The following MTSS1 variants were observed in gnomAD, a reference collection of about 807,000 sequenced individuals.
The protein encoded by MTSS1 is MTSS I-BAR domain containing 1, also known as protein MTSS 1.
MTSS1 carries 18 observed loss-of-function variants against 79.0 expected under a neutral mutation model. The ratio of observed to expected loss-of-function variants is 0.23; its 90% CI spans 0.16 to 0.34. The LOEUF (loss-of-function observed/expected upper bound fraction) is 0.34. MTSS1 is among the 10% of genes least tolerant of loss of function. MTSS1 has a pLI of 1.00. For missense variants in MTSS1, 815 were observed against 986.2 expected (o/e 0.83, Z 2.33); for synonymous variants, 341 against 368.6 (o/e 0.93, Z 0.86).
Position 124,707,616 on chromosome 8 carries a change from G to A in MTSS1, c.73-3425C>T, listed in dbSNP as rs1341502706. ...CCCAGCTACTCGGGAGGCTGAAGCA[G>A]AGAATTGCTTGAACCCGGAAAGTGG... is the stretch of plus-strand genomic sequence containing the variant. On this transcript the variant is annotated intron_variant, in intron 1 of 13. Coordinates refer to ENST00000518547, the MANE Select transcript of MTSS1 (RefSeq NM_014751.6). 3.9e-5 allele frequency among the ~76,000 whole-genome samples: 6 copies of A among 151,976 alleles called. No individual in the cohort carries two copies. In the East Asian group the frequency reaches 9.6e-4, roughly 24 times the overall value.
chr8:124,605,589 C>T (rs1033996948), intron 3 of MTSS1, among the ~76,000 whole-genome samples: 1 of 140,594 alleles, frequency 7.1e-6, no homozygotes, highest in Non-Finnish European at 1.5e-5. Context: ...CCTGCCCTCT[C>T]GCTGCCTCCC....
At chr8:124,697,861 T>C (rs1829100786) in intron 3 of MTSS1, among the ~76,000 whole-genome samples, 1 of 152,234 alleles carries the variant, frequency 6.6e-6, no homozygotes, top group Non-Finnish European at 1.5e-5. Context: ...ACCATGCTTC[T>C]AGTTTCTGTG....
intron 7 of MTSS1, chr8:124,567,872 T>C: frequency 6.9e-7 from 1 of 1,456,020 alleles, no homozygotes; most frequent in Non-Finnish European, 9.0e-7. Context: ...AAGTTCTCAA[T>C]TACGGCATGC....
chr8:124,717,337 C>CA lies in MTSS1; in HGVS notation c.72+10546dup, dbSNP rs1417514442. On this transcript the variant is annotated intron_variant, in intron 1 of 13. Transcript: ENST00000518547. The stretch of plus-strand genomic sequence containing the variant: ...CAAAACCCCATCTTTACTAAAGATA[C>CA]AAAAAAAAAAAAGCCGGGTGTGGTG... Among the ~76,000 whole-genome samples, 487 of 136,114 alleles carry CA rather than the reference C, an allele frequency of 3.6e-3. 6 individuals carry two copies. Among genetic ancestry groups the CA allele is most frequent in the Middle Eastern group, 7.4e-3 (2 of 272 alleles). The allele number at this position is 136,114 out of a possible 152,430, so 89.3% of individuals were successfully genotyped here.
chr8:124,638,561 C>A (rs149850051), intron 3 of MTSS1, among the ~76,000 whole-genome samples: 1 of 152,146 alleles, frequency 6.6e-6, no homozygotes, highest in East Asian at 1.9e-4. Flanking sequence ...GTCAGGAAAC[C>A]GGAGGGTCTG....
In MTSS1 at chr8:124,551,097, AAAACT is replaced by A. The variant is rs1319482059; in HGVS notation, c.*1890_*1894del. 1 of 152,612 alleles carries A rather than the reference AAAACT, an allele frequency of 6.6e-6. No homozygotes were observed. Among genetic ancestry groups the A allele is most frequent in the Non-Finnish European group, 1.5e-5 (1 of 68,042 alleles). 9.5% of individuals were successfully genotyped at this position (152,612 alleles called of 1,614,324 possible). On this transcript the variant is annotated 3_prime_UTR_variant, in exon 14 of 14. Transcript: ENST00000518547. ...TTTATTCAGATTATACTAACGTTTA[AAAACT>A]AAACAAGTGAAAAGCTGTACCAAGG... is the stretch of plus-strand genomic sequence containing the variant.
Position 124,728,088 on chromosome 8 carries a change from G to T in MTSS1, c.-133C>A. On this transcript the variant is annotated 5_prime_UTR_variant, in exon 1 of 14. Transcript: ENST00000518547. This position sits in a 1 kb window ranked among gnomAD's most constrained non-coding sequence, Gnocchi z 6.1. ...TCGGACTCGCAGCCTCTTCTGCAGC[G>T]AGGACGGGGTGCACCAGACCGACTG... 1 of 686,486 alleles carries T rather than the reference G, an allele frequency of 1.5e-6. No individual in the cohort carries two copies. Among genetic ancestry groups the T allele is most frequent in the Non-Finnish European group, 2.4e-6 (1 of 411,690 alleles). The allele number at this position is 686,486 out of a possible 1,614,324, so 42.5% of individuals were successfully genotyped here.
At chr8:124,640,080 C>T (rs1817745099) in intron 3 of MTSS1, among the ~76,000 whole-genome samples, 1 of 152,128 alleles carries the variant, frequency 6.6e-6, no homozygotes, top group South Asian at 2.1e-4. Context: ...GACAGTTGTC[C>T]ATCTCATTTT....
chr8:124,591,206 T>A lies in MTSS1; in HGVS notation c.238A>T (p.Thr80Ser). The change falls in exon 4 of 14, where the codon ACC becomes TCC. Residue 80 changes from threonine (T) to serine (S), a missense_variant. Transcript: ENST00000518547. ...GGTREIGSAL[T>S]RMCMRHRSIE... Reference sequence around the variant, plus strand: ...CTTCTGTGCCTCATGCACATCCTGGTGAGAGCAGATCCAATCTCCCTGGTC... The same window carrying A: ...CTTCTGTGCCTCATGCACATCCTGGAGAGAGCAGATCCAATCTCCCTGGTC... The A allele has an allele frequency of 6.2e-7, 1 of 1,614,192 alleles. No homozygotes were observed.
At chr8:124,717,396 T>C (rs1832213432) in intron 1 of MTSS1, among the ~76,000 whole-genome samples, 1 of 151,564 alleles carries the variant, frequency 6.6e-6, no homozygotes, top group Non-Finnish European at 1.5e-5. Flanking sequence ...CTTGGGAGGC[T>C]GAGGCAGGAG....
intron 9 of MTSS1, among the ~76,000 whole-genome samples, chr8:124,564,327 ACT>A (rs1158459995): frequency 1.3e-5 from 2 of 151,894 alleles, no homozygotes; most frequent in African/African-American, 4.8e-5. Context: ...CCTGCAAGAG[ACT>A]CTGGCTTGCA....
chr8:124,583,119 C>A (rs1490615130), intron 6 of MTSS1, among the ~76,000 whole-genome samples: 1 of 152,150 alleles, frequency 6.6e-6, no homozygotes, highest in African/African-American at 2.4e-5. Flanking sequence ...TCTCGTGGAC[C>A]TAAGTCCACC....
At chr8:124,617,678 TCACCTACCTGATCATGC>T (rs2133445852) in intron 3 of MTSS1, among the ~76,000 whole-genome samples, 1 of 152,238 alleles carries the variant, frequency 6.6e-6, no homozygotes, top group African/African-American at 2.4e-5. Context: ...CTCTGCGAGC[TCACCTACCTGATCATGC>T]CACTCAAAAT....
intron 1 of MTSS1, among the ~76,000 whole-genome samples, chr8:124,716,946 T>A (rs144372604): frequency 6.6e-6 from 1 of 151,388 alleles, no homozygotes; most frequent in Non-Finnish European, 1.5e-5. Flanking sequence ...AAATCACTGA[T>A]GTAAATCAAT....
At chr8:124,690,499 CATG>C in intron 3 of MTSS1, among the ~76,000 whole-genome samples, 1 of 152,304 alleles carries the variant, frequency 6.6e-6, no homozygotes. Context: ...TGGGCTAACA[CATG>C]ATGACTGCCC....
At chr8:124,717,235 T>C (rs1380721053) in intron 1 of MTSS1, among the ~76,000 whole-genome samples, 1 of 152,088 alleles carries the variant, frequency 6.6e-6, no homozygotes, top group African/African-American at 2.4e-5. Flanking sequence ...CTCATGCCTG[T>C]AATCCCAGCA....
intron 5 of MTSS1, 120 bp downstream of exon 5, chr8:124,589,500 G>A (rs1295859028): frequency 2.8e-6 from 2 of 704,462 alleles, no homozygotes; most frequent in Non-Finnish European, 4.9e-6. Flanking sequence ...TAGGGACAGA[G>A]TGGGCCCTTG....
At chr8:124,591,684 G>C (rs937832192) in intron 3 of MTSS1, among the ~76,000 whole-genome samples, 2 of 152,148 alleles carry the variant, frequency 1.3e-5, no homozygotes, top group African/African-American at 4.8e-5. Context: ...ACATTATTTA[G>C]AACAGCCAAG....
At position 124,568,423 on chromosome 8, in the gene MTSS1, G is replaced by A. The variant is rs1337690707; in HGVS notation, c.574C>T (p.Arg192Cys). The A allele has an allele frequency of 1.2e-6, 2 of 1,614,020 alleles. No individual in the cohort carries two copies. The highest frequency in any genetic ancestry group is 1.3e-5 in the African/African-American group (1 of 74,912). ...GAGATGAAGGTACAGAATCGGCCAC[G>A]TTCTTCAATCAAAGCCTTCCGGACA... is the stretch of plus-strand genomic sequence containing the variant. ...QAVRKALIEERGRFCTFISML... is the reference protein window; with the variant it reads ...QAVRKALIEECGRFCTFISML... Residue 192 changes from arginine (R) to cysteine (C), a missense_variant, in exon 7 of 14, where the codon CGT (arginine) becomes TGT (cysteine). By Grantham distance (180) the Arg-to-Cys change is radical (BLOSUM62 -3). Transcript: ENST00000518547.
Sources: allele counts gnomAD v4.1 joint callset (sites outside exome capture counted in the v4.1 genomes callset), GRCh38; gene constraint gnomAD v4.1.1; non-coding constraint Gnocchi (gnomAD v3.1); transcripts MANE v1.5; gene names NCBI Gene and HGNC (gene_info 2026-07-23, HGNC 2026-07-21).